PKHD1L1: variants seen among roughly 807,000 people sequenced by gnomAD.
PKHD1L1 encodes the protein fibrocystin-L.
Under a neutral mutation model 462.9 loss-of-function variants are expected in PKHD1L1, and 434 were observed. That is an observed-to-expected ratio of 0.94 (90% CI 0.87 to 1.02). PKHD1L1 has a LOEUF of 1.02. Ranked by LOEUF, PKHD1L1 falls within the 50% of genes least tolerant of loss-of-function variation. The pLI is 0.00. For synonymous variants in PKHD1L1, 1,781 were observed against 1,750.0 expected (o/e 1.02, Z -0.44); for missense variants, 5,202 against 5,096.1 (o/e 1.02, Z -0.63).
chr8:109,411,019 AC>A (rs1403292782), intron 19 of PKHD1L1, among the ~76,000 whole-genome samples: 3 of 151,496 alleles, frequency 2.0e-5, no homozygotes, highest in African/African-American at 4.9e-5. Flanking sequence ...GAGCCACCGC[AC>A]CCGGCCTTGG....
Position 109,535,065 on chromosome 8 carries a change from T to A in PKHD1L1, c.*4975T>A, listed in dbSNP as rs1368494677. Among the ~76,000 whole-genome samples the A allele has an allele frequency of 6.6e-6, 1 of 152,164 alleles. No homozygotes were observed. Among genetic ancestry groups the A allele is most frequent in the Non-Finnish European group, 1.5e-5 (1 of 68,020 alleles). ...TATCCTGCTTTTTGAGATTAAGAAATCTTTTAAAAATATTACAGAAACTGC... is the reference window on the plus strand; with the variant it reads ...TATCCTGCTTTTTGAGATTAAGAAAACTTTTAAAAATATTACAGAAACTGC... On this transcript the variant is annotated 3_prime_UTR_variant, in exon 78 of 78. Transcript: ENST00000378402.
chr8:109,439,136 G>A (rs1815625124), intron 32 of PKHD1L1, 44 bp downstream of exon 32: 9 of 1,532,160 alleles, frequency 5.9e-6, no homozygotes, highest in Non-Finnish European at 8.0e-6. Flanking sequence ...AGAACACATG[G>A]GGCTAGTGGA....
At position 109,440,405 on chromosome 8, in the gene PKHD1L1, A is replaced by T. The variant is rs1262934805; in HGVS notation, c.3957-305A>T. Among the ~76,000 whole-genome samples, 3 of 152,102 alleles carry T rather than the reference A, an allele frequency of 2.0e-5. No homozygotes were observed. In the East Asian group the frequency reaches 5.8e-4, roughly 29 times the overall value. On this transcript the variant is annotated intron_variant, in intron 32 of 77. Coordinates refer to ENST00000378402, the MANE Select transcript of PKHD1L1 (RefSeq NM_177531.6). Reference sequence around the variant, plus strand: ...AATATAAAATATTTTTAAAAATCTAATGTATTTCTTGTGACCTCAGTTCTC... The same window carrying T: ...AATATAAAATATTTTTAAAAATCTATTGTATTTCTTGTGACCTCAGTTCTC...
At chr8:109,497,763 C>G (rs1819190328) in intron 65 of PKHD1L1, among the ~76,000 whole-genome samples, 1 of 151,176 alleles carries the variant, frequency 6.6e-6, no homozygotes, top group Admixed American at 6.6e-5. Flanking sequence ...CCTCCCTTCC[C>G]TCTTCTTGCT....
chr8:109,440,365 TTTTAG>T (rs1371141674), intron 32 of PKHD1L1, among the ~76,000 whole-genome samples: 3 of 152,128 alleles, frequency 2.0e-5, no homozygotes, highest in African/African-American at 4.8e-5. Flanking sequence ...TGCCTTTTTG[TTTTAG>T]TTTAATGAAA....
chr8:109,465,041 A>C lies in PKHD1L1; in HGVS notation c.8209A>C (p.Thr2737Pro). The change falls in exon 49 of 78, where the codon ACT becomes CCT. Residue 2737 changes from threonine to proline, a missense_variant. Physicochemically the swap from Thr to Pro is conservative, Grantham distance 38 (BLOSUM62 -1). Around this residue, in one of 3 missense-constraint regions of PKHD1L1, gnomAD observed 4,497 missense variants for 4,336.8 expected, o/e 1.04. Coordinates refer to ENST00000378402, the MANE Select transcript of PKHD1L1 (RefSeq NM_177531.6). ...GLVLPFSEGL[T>P]VSSVHFMNFD... ...GGTTCTCCCATTTAGTGAAGGCTTG[A>C]CTGTCTCTTCTGTGCACTTTATGAA... The C allele has an allele frequency of 6.2e-7, 1 of 1,613,780 alleles. No individual in the cohort carries two copies. Among genetic ancestry groups the C allele is most frequent in the Non-Finnish European group, 8.5e-7 (1 of 1,179,812 alleles).
intron 48 of PKHD1L1, 35 bp from the exon 49 acceptor site, chr8:109,464,181 T>C (rs1041593977): frequency 6.8e-7 from 1 of 1,460,676 alleles, no homozygotes; most frequent in African/African-American, 1.4e-5. Flanking sequence ...ACATCTGAGC[T>C]ATTACTAAAT....
At chr8:109,471,808 T>A (rs1817737100) in intron 50 of PKHD1L1, among the ~76,000 whole-genome samples, 2 of 152,302 alleles carry the variant, frequency 1.3e-5, no homozygotes, top group South Asian at 2.1e-4. Context: ...AATCAGCATA[T>A]CTTCTGTATT....
At chr8:109,364,254 T>G (rs1469591889) in intron 1 of PKHD1L1, among the ~76,000 whole-genome samples, 1 of 152,228 alleles carries the variant, frequency 6.6e-6, no homozygotes, top group Non-Finnish European at 1.5e-5. Flanking sequence ...AAATTAAGGA[T>G]TTAATACGTG....
At chr8:109,518,983 G>A (rs1820416256) in intron 73 of PKHD1L1, among the ~76,000 whole-genome samples, 1 of 152,104 alleles carries the variant, frequency 6.6e-6, no homozygotes, top group South Asian at 2.1e-4. Flanking sequence ...GGGTAGACAG[G>A]TGCTAGATGT....
At chr8:109,486,940 A>C in intron 59 of PKHD1L1, 119 bp downstream of exon 59, 1 of 1,092,202 alleles carries the variant, frequency 9.2e-7, no homozygotes, top group Non-Finnish European at 1.3e-6. Flanking sequence ...ATAAAGCATT[A>C]AAAGTGATTA....
At chr8:109,426,893 C>A in intron 24 of PKHD1L1, 109 bp from the exon 25 acceptor site, 1 of 674,954 alleles carries the variant, frequency 1.5e-6, no homozygotes, top group Non-Finnish European at 2.7e-6. Flanking sequence ...CCTCAGGTGA[C>A]CCGCCCGCTT....
chr8:109,420,681 C>A lies in PKHD1L1; in HGVS notation c.2688C>A (p.Ser896Arg). 1 of 1,560,498 alleles carries A rather than the reference C, an allele frequency of 6.4e-7. No homozygotes were observed. ...CSYNIPMMAV[S>R]FGQIITHETE... ...ACAATATACCCATGATGGCTGTGAGCTTTGGGCAGGTAAGCCTAGAATTTT... is the reference window on the plus strand; with the variant it reads ...ACAATATACCCATGATGGCTGTGAGATTTGGGCAGGTAAGCCTAGAATTTT... Residue 896 changes from serine (S) to arginine (R), a missense_variant, in exon 23 of 78, where the codon AGC becomes AGA. Physicochemically the swap from Ser to Arg is moderately radical, Grantham distance 110. This residue lies in a region of PKHD1L1 where 4,497 missense variants were observed against 4,336.8 expected (regional missense o/e 1.04). Transcript: ENST00000378402.
intron 67 of PKHD1L1, among the ~76,000 whole-genome samples, chr8:109,500,970 T>A (rs980627227): frequency 2.6e-5 from 4 of 152,114 alleles, no homozygotes; most frequent in African/African-American, 9.7e-5. Flanking sequence ...ACACTTCTCA[T>A]CTGGGAACTA....
intron 9 of PKHD1L1, among the ~76,000 whole-genome samples, chr8:109,391,969 A>G (rs1029450409): frequency 1.3e-5 from 2 of 152,194 alleles, no homozygotes; most frequent in East Asian, 3.9e-4. Context: ...CTAAGAGTAA[A>G]TCAGAGTGGA....
chr8:109,490,046 C>T lies in PKHD1L1; in HGVS notation c.9975C>T (p.Asn3325=). 1 of 1,591,870 alleles carries T rather than the reference C, an allele frequency of 6.3e-7. No individual in the cohort carries two copies. The highest frequency in any genetic ancestry group is 1.3e-5 in the African/African-American group (1 of 74,326). The change falls in exon 60 of 78, where the codon AAC becomes AAT. Residue 3325 remains asparagine, a synonymous_variant. Transcript: ENST00000378402. The stretch of plus-strand genomic sequence containing the variant: ...CAAGATATGCTGTAACGTTTCTTAA[C>T]CTAGGACAGGTTTGTGCTTTATTTT... ...TDPRYAVTFL[N]LGQIQEHGSS...
Position 109,400,328 on chromosome 8 carries a change from G to T in PKHD1L1, c.1265G>T (p.Gly422Val). 6.2e-7 allele frequency: 1 copy of T among 1,612,802 alleles called. No homozygotes were observed. Among genetic ancestry groups the T allele is most frequent in the African/African-American group, 1.3e-5 (1 of 74,948 alleles). The stretch of plus-strand genomic sequence containing the variant: ...TATGCTATTTATTTTAGCCAGACTG[G>T]ACTTCCAGAAGATAAGGTAGGGAAG... Reference protein sequence around the residue: ...DRYAIYFSQTGLPEDKVRIAY... With the variant: ...DRYAIYFSQTVLPEDKVRIAY... The change falls in exon 13 of 78, where the codon GGA becomes GTA. Residue 422 changes from glycine (G) to valine (V), a missense_variant. Coordinates refer to ENST00000378402, the MANE Select transcript of PKHD1L1 (RefSeq NM_177531.6).
Position 109,464,963 on chromosome 8 carries a change from G to C in PKHD1L1, c.8131G>C (p.Gly2711Arg). The change falls in exon 49 of 78, where the codon GGC becomes CGC. Residue 2711 changes from glycine (G) to arginine (R), a missense_variant. By Grantham distance (125) the Gly-to-Arg change is moderately radical. This residue lies in a region of PKHD1L1 where 4,497 missense variants were observed against 4,336.8 expected (regional missense o/e 1.04). Coordinates refer to ENST00000378402, the MANE Select transcript of PKHD1L1 (RefSeq NM_177531.6). The stretch of plus-strand genomic sequence containing the variant: ...GGTGATTAAAAATGCCAAAATAGTC[G>C]GCCATCTTGATGAACTGGGAATGGG... Reference protein sequence around the residue: ...GAVIKNAKIVGHLDELGMGSA... With the variant: ...GAVIKNAKIVRHLDELGMGSA... 1 of 1,613,774 alleles carries C rather than the reference G, an allele frequency of 6.2e-7. No individual in the cohort carries two copies. The highest frequency in any genetic ancestry group is 8.5e-7 in the Non-Finnish European group (1 of 1,179,788).
chr8:109,440,279 A>G (rs902957338), intron 32 of PKHD1L1, among the ~76,000 whole-genome samples: 1 of 152,142 alleles, frequency 6.6e-6, no homozygotes, highest in Non-Finnish European at 1.5e-5. Flanking sequence ...AACGTGGAAT[A>G]ATAACTTCAA....
Sources: allele counts gnomAD v4.1 joint callset (sites outside exome capture counted in the v4.1 genomes callset), GRCh38; gene constraint gnomAD v4.1.1; regional missense constraint gnomAD v4.1.1; transcripts MANE v1.5; gene names NCBI Gene and HGNC (gene_info 2026-07-23, HGNC 2026-07-21).